VPS13A: variants seen among roughly 807,000 people sequenced by gnomAD.
VPS13A encodes the protein intermembrane lipid transfer protein VPS13A.
A neutral mutation model predicts 390.9 loss-of-function variants in VPS13A; 264 were observed. The ratio of observed to expected loss-of-function variants is 0.68; its 90% CI spans 0.61 to 0.75. The LOEUF (loss-of-function observed/expected upper bound fraction) is 0.75, where lower values mean the gene tolerates loss of function less well. VPS13A is among the 30% of genes least tolerant of loss of function. VPS13A has a pLI of 0.00. For synonymous variants in VPS13A, 1,231 were observed against 1,227.1 expected, an observed-to-expected ratio of 1.00 and a Z score of -0.07; for missense variants, 3,409 against 3,733.9, an observed-to-expected ratio of 0.91 and a Z score of 2.27.
chr9:77,343,630 G>A (rs928090115), intron 50 of VPS13A, among the ~76,000 whole-genome samples: 5 of 151,998 alleles, frequency 3.3e-5, no homozygotes, highest in African/African-American at 1.2e-4. Context: ...AAGTTATTTC[G>A]TACAATTCTG....
chr9:77,411,319 G>A (rs1475305860), intron 71 of VPS13A, among the ~76,000 whole-genome samples: 2 of 152,068 alleles, frequency 1.3e-5, no homozygotes, highest in East Asian at 3.9e-4. Context: ...AGCACTAAAT[G>A]TCCACAAGAG....
chr9:77,226,173 T>C (rs1823497205), intron 14 of VPS13A, among the ~76,000 whole-genome samples, 185 bp downstream of exon 14: 1 of 152,160 alleles, frequency 6.6e-6, no homozygotes, highest in South Asian at 2.1e-4. Context: ...CAGATTTCTA[T>C]GGGAAAAAAT....
chr9:77,334,665 T>A (rs1830449071), intron 46 of VPS13A, among the ~76,000 whole-genome samples: 1 of 152,218 alleles, frequency 6.6e-6, no homozygotes, highest in African/African-American at 2.4e-5. Context: ...ATCTTACTCA[T>A]TTGTTTGTTT....
At chr9:77,246,614 A>G (rs1348383097) in intron 19 of VPS13A, among the ~76,000 whole-genome samples, 1 of 152,170 alleles carries the variant, frequency 6.6e-6, no homozygotes, top group African/African-American at 2.4e-5. Context: ...TTCACATCTC[A>G]TAGAAAATAA....
In VPS13A at chr9:77,351,342, C is replaced by T. The variant is rs1831454433; in HGVS notation, c.7315C>T (p.Leu2439Phe). Residue 2439 changes from leucine (L) to phenylalanine (F), a missense_variant, in exon 53 of 72, where the codon CTC becomes TTC. This residue lies in a region of VPS13A where 2,717 missense variants were observed against 2,917.4 expected (regional missense o/e 0.93). Coordinates refer to ENST00000360280, the MANE Select transcript of VPS13A (RefSeq NM_033305.3). ...QSSLSEIEDS[L>F]PPGKAVFYTW... ...TTCTCTCAGTGAAATAGAAGATTCC[C>T]TCCCTCCTGGTAAAGCCGTGTTTTA... 6.2e-7 allele frequency: 1 copy of T among 1,613,646 alleles called. No individual in the cohort carries two copies. Among genetic ancestry groups the T allele is most frequent in the Admixed American group, 1.7e-5 (1 of 59,996 alleles).
rs368211869 is a variant in VPS13A, at chr9:77,370,943, T to C, written c.8953+8T>C. 1.8e-5 allele frequency: 29 copies of C among 1,614,012 alleles called. No individual in the cohort carries two copies. Among genetic ancestry groups the C allele is most frequent in the Non-Finnish European group, 1.4e-5 (17 of 1,180,030 alleles). On this transcript the variant is annotated splice_region_variant and intron_variant, in intron 66 of 71. Transcript: ENST00000360280. ...TTACAAAACCAATCAAAGGCAAGTA[T>C]AGTAGTTCCTTTGCAAGTCTTTCTA...
intron 24 of VPS13A, 121 bp downstream of exon 24, chr9:77,273,485 G>T (rs1826470638): frequency 8.0e-6 from 6 of 750,632 alleles, no homozygotes; most frequent in Non-Finnish European, 1.3e-5. Flanking sequence ...TTAAAATCTA[G>T]GTTCTTGACT....
At chr9:77,408,519 G>A (rs933540014) in intron 71 of VPS13A, among the ~76,000 whole-genome samples, 4 of 152,218 alleles carry the variant, frequency 2.6e-5, no homozygotes, top group Non-Finnish European at 5.9e-5. Flanking sequence ...AAGTGCAAGG[G>A]GTCAGGGAAT....
At chr9:77,265,282 T>G (rs905253154) in intron 23 of VPS13A, among the ~76,000 whole-genome samples, 1 of 152,162 alleles carries the variant, frequency 6.6e-6, no homozygotes, top group Non-Finnish European at 1.5e-5. Context: ...CTCTGCCATG[T>G]TTTGGTAGCA....
intron 17 of VPS13A, among the ~76,000 whole-genome samples, chr9:77,233,830 A>G (rs1361918645): frequency 1.3e-5 from 2 of 152,174 alleles, no homozygotes; most frequent in African/African-American, 4.8e-5. Flanking sequence ...AGAATGTTCC[A>G]TGTGCTTGCA....
intron 17 of VPS13A, among the ~76,000 whole-genome samples, chr9:77,233,883 A>T (rs972813643): frequency 2.0e-5 from 3 of 152,128 alleles, no homozygotes; most frequent in Non-Finnish European, 4.4e-5. Flanking sequence ...AGAGTAGTCC[A>T]TATTTGTCTG....
intron 10 of VPS13A, among the ~76,000 whole-genome samples, chr9:77,218,305 G>A (rs1312333763): frequency 1.3e-5 from 2 of 151,878 alleles, no homozygotes; most frequent in Non-Finnish European, 2.9e-5. Context: ...AATACAGATG[G>A]GGTTTCACTG....
intron 35 of VPS13A, among the ~76,000 whole-genome samples, chr9:77,313,315 T>C (rs1829201700): frequency 6.6e-6 from 1 of 152,224 alleles, no homozygotes; most frequent in Admixed American, 6.5e-5. Flanking sequence ...AAGTGTTCAG[T>C]ATCTTAATTG....
chr9:77,301,728 C>T (rs1342551304), intron 33 of VPS13A, among the ~76,000 whole-genome samples: 1 of 152,104 alleles, frequency 6.6e-6, no homozygotes, highest in African/African-American at 2.4e-5. Flanking sequence ...TTCTTCATTC[C>T]TGAGCATCAG....
In VPS13A at chr9:77,397,231, C is replaced by T. The variant is rs146449505; in HGVS notation, c.9190-6005C>T. 5.8e-3 allele frequency among the ~76,000 whole-genome samples: 883 copies of T among 152,108 alleles called. 12 individuals carry two copies. Among genetic ancestry groups the T allele is most frequent in the African/African-American group, 0.02 (850 of 41,514 alleles). Reference sequence around the variant, plus strand: ...GTCTCAAACTCCTGGCCTTGGGATCCGCCCGCCTCGGCCTCCCAAAGTGCT... The same window carrying T: ...GTCTCAAACTCCTGGCCTTGGGATCTGCCCGCCTCGGCCTCCCAAAGTGCT... On this transcript the variant is annotated intron_variant, in intron 68 of 71. Transcript: ENST00000360280.
chr9:77,321,329 TAAGAA>T lies in VPS13A; in HGVS notation c.5574+9_5574+13del. On this transcript the variant is annotated splice_donor_5th_base_variant and intron_variant, in intron 43 of 71. Coordinates refer to ENST00000360280, the MANE Select transcript of VPS13A (RefSeq NM_033305.3). ...GTAATGTTAAACAATTTAGTCAAGG[TAAGAA>T]AAGAAATTTGAAACTTTAAATATTG... 6 of 1,603,040 alleles carry T rather than the reference TAAGAA, an allele frequency of 3.7e-6. 1 individual carries two copies. In the East Asian group the frequency reaches 1.3e-4, roughly 36 times the overall value.
intron 9 of VPS13A, among the ~76,000 whole-genome samples, chr9:77,214,027 G>A (rs1826117343): frequency 1.3e-5 from 2 of 151,930 alleles, no homozygotes; most frequent in Admixed American, 1.3e-4. Flanking sequence ...TGTAATCCCA[G>A]CACTTTGGGA....
chr9:77,242,038 A>C (rs1024449067), intron 19 of VPS13A, among the ~76,000 whole-genome samples: 12 of 152,152 alleles, frequency 7.9e-5, no homozygotes, highest in African/African-American at 2.7e-4. Flanking sequence ...TGAGAGGCTG[A>C]AATTATCTTT....
At chr9:77,240,863 T>G (rs774280707) in intron 19 of VPS13A, among the ~76,000 whole-genome samples, 3 of 152,218 alleles carry the variant, frequency 2.0e-5, no homozygotes, top group East Asian at 3.8e-4. Flanking sequence ...ATTCTGTCTT[T>G]AGGTTTTCAT....
Sources: gnomAD v4.1 joint callset for allele counts (sites outside exome capture counted in the v4.1 genomes callset) on GRCh38, gnomAD v4.1.1 for gene constraint, gnomAD v4.1.1 regional missense constraint, MANE v1.5 for transcripts, NCBI Gene and HGNC (gene_info 2026-07-23, HGNC 2026-07-21) for gene names.